Variants in TMTC2 observed in about 807,000 individuals in gnomAD.
TMTC2 encodes the protein protein O-mannosyl-transferase TMTC2.
A neutral mutation model predicts 82.4 loss-of-function variants in TMTC2; 43 were observed. That is an observed-to-expected ratio of 0.52 (90% confidence interval 0.41 to 0.67). The LOEUF is 0.67. Ranked by LOEUF, TMTC2 falls within the 30% of genes least tolerant of loss-of-function variation. The pLI, the probability that TMTC2 is intolerant of heterozygous loss-of-function variation, is 0.00. For missense variants in TMTC2, 919 were observed against 1,012.4 expected, an observed-to-expected ratio of 0.91 and a Z score of 1.25; for synonymous variants, 408 against 381.9, an observed-to-expected ratio of 1.07 and a Z score of -0.80.
At chr12:82,704,615 G>C (rs1340290515) in intron 1 of TMTC2, among the ~76,000 whole-genome samples, 3 of 151,724 alleles carry the variant, frequency 2.0e-5, no homozygotes, top group Non-Finnish European at 4.4e-5. Context: ...TCAAAATCTT[G>C]AAGAGATGGA....
chr12:82,866,717 A>G (rs1410681556), intron 2 of TMTC2, among the ~76,000 whole-genome samples: 1 of 152,210 alleles, frequency 6.6e-6, no homozygotes, highest in Non-Finnish European at 1.5e-5. Context: ...CACAAATTTG[A>G]AATCCATTGT....
intron 1 of TMTC2, among the ~76,000 whole-genome samples, chr12:82,749,739 C>CTTTTTTTTTTTTTTT (rs71068950): frequency 7.9e-6 from 1 of 127,164 alleles, no homozygotes; most frequent in African/African-American, 3.1e-5. Context: ...TTCTTTCTTT[C>CTTTTTTTTTTTTTTT]TTTTTTTTTT....
rs10662218 is a variant in TMTC2 at position 82,871,681 on chromosome 12, CTG to C, written c.654+14139_654+14140del. Among the ~76,000 whole-genome samples, 947 of 142,186 alleles carry C rather than the reference CTG, an allele frequency of 6.7e-3. 5 individuals are homozygous for C. The highest frequency in any genetic ancestry group is 0.013 in the African/African-American group (496 of 38,422). 93.3% of individuals were successfully genotyped at this position (142,186 alleles called of 152,430 possible). The stretch of plus-strand genomic sequence containing the variant: ...GTGGTGTCTAAGTAGCTCTGCTCAT[CTG>C]TGTGTGTGTGTGTGTGTGTGTGTGT... On this transcript the variant is annotated intron_variant, in intron 2 of 11. Coordinates refer to ENST00000321196, the MANE Select transcript of TMTC2 (RefSeq NM_152588.3).
intron 2 of TMTC2, among the ~76,000 whole-genome samples, chr12:82,890,035 C>T (rs1873317917): frequency 1.3e-5 from 2 of 152,070 alleles, no homozygotes; most frequent in African/African-American, 4.8e-5. Flanking sequence ...CTTTCATTTT[C>T]ACAACTGTAC....
chr12:82,993,375 T>A (rs1479824702), intron 8 of TMTC2, among the ~76,000 whole-genome samples: 6 of 152,138 alleles, frequency 3.9e-5, no homozygotes, highest in Non-Finnish European at 8.8e-5. Flanking sequence ...TACACAGTTT[T>A]TTTTTTTCAA....
At chr12:83,129,065 G>A (rs1264198744) in intron 11 of TMTC2, among the ~76,000 whole-genome samples, 5 of 152,120 alleles carry the variant, frequency 3.3e-5, no homozygotes, top group Admixed American at 3.3e-4. Context: ...AGAAGTTATT[G>A]TGATGTTTTA....
At chr12:82,688,898 C>T (rs1283823982) in intron 1 of TMTC2, among the ~76,000 whole-genome samples, 3 of 152,188 alleles carry the variant, frequency 2.0e-5, no homozygotes, top group African/African-American at 7.2e-5. Context: ...GCCCATTCTC[C>T]TGCTAAAAGC....
At chr12:82,903,536 C>G (rs1409201185) in intron 3 of TMTC2, among the ~76,000 whole-genome samples, 1 of 152,096 alleles carries the variant, frequency 6.6e-6, no homozygotes, top group East Asian at 1.9e-4. Context: ...CTCAGCCTCC[C>G]GAGTAGCTGG....
rs376927718 is a variant in TMTC2 at position 83,030,008 on chromosome 12, CT to C, written c.2071-789del. Among the ~76,000 whole-genome samples the C allele has an allele frequency of 4.3e-3, 653 of 152,230 alleles. 4 individuals carry two copies. The highest frequency in any genetic ancestry group is 0.014 in the African/African-American group (600 of 41,552). ...GAGTGATTGCAGCAAGGATAAATAG[CT>C]GCTTGAGATTCACCAAATTGTGACT... On this transcript the variant is annotated intron_variant, in intron 8 of 11. Transcript: ENST00000321196.
At chr12:83,043,715 TA>T (rs1245599263) in intron 9 of TMTC2, among the ~76,000 whole-genome samples, 1 of 152,212 alleles carries the variant, frequency 6.6e-6, no homozygotes, top group Admixed American at 6.5e-5. Flanking sequence ...CAAGGATAAA[TA>T]TTGTGTTTAT....
chr12:83,070,171 C>T (rs370075040), intron 11 of TMTC2, among the ~76,000 whole-genome samples: 13 of 152,090 alleles, frequency 8.5e-5, no homozygotes, highest in African/African-American at 2.9e-4. Context: ...TGTGCAGGCT[C>T]TTTTTTGGTT....
intron 1 of TMTC2, among the ~76,000 whole-genome samples, chr12:82,854,782 T>A (rs1215456656): frequency 6.6e-6 from 1 of 152,174 alleles, no homozygotes; most frequent in Admixed American, 6.5e-5. Flanking sequence ...TTCTTATTAG[T>A]AGATAATATA....
At chr12:83,078,532 T>C (rs1883364083) in intron 11 of TMTC2, among the ~76,000 whole-genome samples, 1 of 152,188 alleles carries the variant, frequency 6.6e-6, no homozygotes, top group Non-Finnish European at 1.5e-5. Flanking sequence ...TTTTGTCGTA[T>C]AAACAGCTAT....
chr12:83,049,075 A>G (rs1882249709), intron 9 of TMTC2, among the ~76,000 whole-genome samples: 1 of 152,136 alleles, frequency 6.6e-6, no homozygotes, highest in South Asian at 2.1e-4. Flanking sequence ...ATAAACAGTA[A>G]ATAATGGGCT....
intron 4 of TMTC2, among the ~76,000 whole-genome samples, chr12:82,938,334 T>G (rs1876522446): frequency 6.6e-6 from 1 of 152,136 alleles, no homozygotes; most frequent in Non-Finnish European, 1.5e-5. Context: ...GTGAGACTAC[T>G]TGACGTAGAG....
chr12:82,765,626 A>G (rs1876907204), intron 1 of TMTC2, among the ~76,000 whole-genome samples: 1 of 152,104 alleles, frequency 6.6e-6, no homozygotes. Flanking sequence ...GTGAACCAAG[A>G]TTGCACCATT....
intron 8 of TMTC2, among the ~76,000 whole-genome samples, chr12:83,005,720 G>T (rs7965674): frequency 0.071 from 10,773 of 152,206 alleles, 526 homozygotes; most frequent in African/African-American, 0.13. Flanking sequence ...GCGGGGAATT[G>T]CCCCAGGGTG....
rs559284726 is a variant in TMTC2 at position 82,856,950 on chromosome 12, C to T, written c.84-60C>T. 8.8e-6 allele frequency: 13 copies of T among 1,475,488 alleles called. No homozygotes were observed. In the East Asian group the frequency reaches 3.0e-4, roughly 33 times the overall value. The allele number at this position is 1,475,488 out of a possible 1,614,324, so 91.4% of individuals were successfully genotyped here. A position where few individuals can be genotyped will look rare whatever the true frequency, so the allele number is the denominator to read the frequency against. ...GAGAAAGGCAGTATCTTATCAATGT[C>T]ATATTTTTTCTTTCTTTCTGTGTTT... On this transcript the variant is annotated intron_variant, in intron 1 of 11. Coordinates refer to ENST00000321196, the MANE Select transcript of TMTC2 (RefSeq NM_152588.3).
chr12:82,813,920 GTTATGT>G (rs531698601), intron 1 of TMTC2, among the ~76,000 whole-genome samples: 73 of 152,142 alleles, frequency 4.8e-4, no homozygotes, highest in African/African-American at 1.7e-3. Flanking sequence ...TGGTTTTAAT[GTTATGT>G]TTATGATACC....
Sources: gnomAD v4.1 joint callset for allele counts (sites outside exome capture counted in the v4.1 genomes callset) on GRCh38, gnomAD v4.1.1 for gene constraint, MANE v1.5 for transcripts, NCBI Gene and HGNC (gene_info 2026-07-23, HGNC 2026-07-21) for gene names.